Variants in NEK6 observed in about 807,000 individuals in gnomAD.
NEK6 encodes the protein serine/threonine-protein kinase Nek6.
In NEK6, 27 loss-of-function variants were observed where a neutral mutation model predicts 43.5. The ratio of observed to expected loss-of-function variants is 0.62; its 90% CI spans 0.46 to 0.86. The LOEUF is 0.86. Among genes scored for constraint, NEK6 ranks in the 40% least tolerant of loss-of-function variants. The pLI, the probability that NEK6 is intolerant of heterozygous loss-of-function variation, is 0.00. For synonymous variants in NEK6, 167 were observed against 164.1 expected (o/e 1.02, Z -0.14); for missense variants, 318 against 414.4 (o/e 0.77, Z 2.02).
rs952897031 is a variant in NEK6, at chr9:124,326,998, T to G, written c.515-340T>G. 6.6e-6 allele frequency among the ~76,000 whole-genome samples: 1 copy of G among 152,142 alleles called. No individual in the cohort carries two copies. Among genetic ancestry groups the G allele is most frequent in the Non-Finnish European group, 1.5e-5 (1 of 68,002 alleles). On this transcript the variant is annotated intron_variant, in intron 6 of 9. Coordinates refer to ENST00000320246, the MANE Select transcript of NEK6 (RefSeq NM_014397.6). This position sits in a 1 kb window ranked among gnomAD's most constrained non-coding sequence, Gnocchi z 4.5. ...CTCCACTGAGCACTCCGTTCATTCA[T>G]TACGCAGATTTTCCCTGAGGGCCTC... is the stretch of plus-strand genomic sequence containing the variant.
At chr9:124,258,858 G>A (rs550634403) in intron 1 of NEK6, among the ~76,000 whole-genome samples, 1 of 152,242 alleles carries the variant, frequency 6.6e-6, no homozygotes, top group Non-Finnish European at 1.5e-5. Flanking sequence ...CTGGGCGAGC[G>A]GAGGCTGTGG....
Position 124,326,348 on chromosome 9 carries a change from C to T in NEK6, c.424C>T (p.Arg142Trp), listed in dbSNP as rs767329239. The T allele has an allele frequency of 2.5e-6, 4 of 1,611,174 alleles. No individual in the cohort carries two copies. Among genetic ancestry groups the T allele is most frequent in the East Asian group, 2.2e-5 (1 of 44,872 alleles). Residue 142 changes from arginine to tryptophan, a missense_variant, in exon 6 of 10, where the codon CGG becomes TGG. Physicochemically the swap from Arg to Trp is moderately radical, Grantham distance 101. This residue lies in a region of NEK6 where 239 missense variants were observed against 344.4 expected (regional missense o/e 0.69). Coordinates refer to ENST00000320246, the MANE Select transcript of NEK6 (RefSeq NM_014397.6). The surrounding 1 kb of genome is among the most constrained non-coding windows in gnomAD (Gnocchi z 4.5). ...QMIKYFKKQK[R>W]LIPERTVWKY... ...ACTGCAGTACTTTAAGAAGCAGAAG[C>T]GGCTCATCCCGGAGAGGACAGTATG... is the stretch of plus-strand genomic sequence containing the variant.
intron 9 of NEK6, among the ~76,000 whole-genome samples, chr9:124,349,457 C>G (rs1830132604): frequency 6.6e-6 from 1 of 152,180 alleles, no homozygotes; most frequent in South Asian, 2.1e-4. Flanking sequence ...CCCAAGTCAG[C>G]CCTTTCCTGG....
chr9:124,268,688 G>A (rs955358747), intron 1 of NEK6, among the ~76,000 whole-genome samples: 6 of 152,286 alleles, frequency 3.9e-5, no homozygotes, highest in Admixed American at 6.5e-5. Flanking sequence ...CCCAGGAACC[G>A]ACGTGAGAAC....
intron 2 of NEK6, among the ~76,000 whole-genome samples, chr9:124,309,563 A>T (rs1294065623): frequency 6.6e-6 from 1 of 152,170 alleles, no homozygotes; most frequent in Non-Finnish European, 1.5e-5. Flanking sequence ...TCTAGATCTG[A>T]CAGGGAGTTC....
intron 8 of NEK6, among the ~76,000 whole-genome samples, chr9:124,344,999 C>T (rs2131080176): frequency 6.6e-6 from 1 of 152,292 alleles, no homozygotes; most frequent in South Asian, 2.1e-4. Context: ...TGTCTGAGGC[C>T]CTGACAGGCA....
At chr9:124,315,197 G>A (rs1014378854) in intron 4 of NEK6, among the ~76,000 whole-genome samples, 19 of 152,222 alleles carry the variant, frequency 1.2e-4, no homozygotes, top group Non-Finnish European at 1.8e-4. Context: ...TGGGCCAGGA[G>A]CCCCAGGGAA....
chr9:124,292,153 G>A lies in NEK6; in HGVS notation c.-29-9783G>A. The A allele has an allele frequency of 3.2e-5, 39 of 1,232,752 alleles. 1 individual carries two copies. In the South Asian group the frequency reaches 7.1e-4, roughly 22 times the overall value. The allele number at this position is 1,232,752 out of a possible 1,614,324, so 76.4% of individuals were successfully genotyped here. On this transcript the variant is annotated intron_variant, in intron 1 of 9. Transcript: ENST00000320246. Reference sequence around the variant, plus strand: ...TGCTCTTAGGGGTGTGTCCAGCGAGGGATGGGGAACCAGGCCCCAGGGACC... The same window carrying A: ...TGCTCTTAGGGGTGTGTCCAGCGAGAGATGGGGAACCAGGCCCCAGGGACC...
At chr9:124,260,143 A>G (rs1002520977) in intron 1 of NEK6, among the ~76,000 whole-genome samples, 1 of 152,162 alleles carries the variant, frequency 6.6e-6, no homozygotes, top group Non-Finnish European at 1.5e-5. Flanking sequence ...AGGTGGGGGC[A>G]GAATCCGAAG....
intron 7 of NEK6, among the ~76,000 whole-genome samples, chr9:124,330,012 A>C (rs1828888321): frequency 6.6e-6 from 1 of 152,150 alleles, no homozygotes; most frequent in Non-Finnish European, 1.5e-5. Context: ...TCATCTCCTA[A>C]GGCTGCTGAC....
intron 1 of NEK6, among the ~76,000 whole-genome samples, chr9:124,295,960 A>G (rs1832668616): frequency 6.6e-6 from 1 of 152,216 alleles, no homozygotes; most frequent in Non-Finnish European, 1.5e-5. Context: ...GGTACTTTGC[A>G]GGTGTCTTGG....
chr9:124,353,037 C>G lies in NEK6; in HGVS notation c.*2090C>G, dbSNP rs1830339414. The G allele has an allele frequency of 6.5e-6, 1 of 153,134 alleles. No individual in the cohort carries two copies. The highest frequency in any genetic ancestry group is 2.4e-5 in the African/African-American group (1 of 41,460). The allele number at this position is 153,134 out of a possible 1,614,324, so 9.5% of individuals were successfully genotyped here. On this transcript the variant is annotated 3_prime_UTR_variant, in exon 10 of 10. Transcript: ENST00000320246. ...TTCCTTTTATTTCTGTGAAACCGGCCAAAGTGAGGTCCACCCACCTTCACA... is the reference window on the plus strand; with the variant it reads ...TTCCTTTTATTTCTGTGAAACCGGCGAAAGTGAGGTCCACCCACCTTCACA...
intron 1 of NEK6, among the ~76,000 whole-genome samples, chr9:124,283,372 G>T (rs868033055): frequency 6.6e-6 from 1 of 152,210 alleles, no homozygotes; most frequent in African/African-American, 2.4e-5. Flanking sequence ...CCTTCCCCAC[G>T]TCCTAGGACA....
chr9:124,289,708 A>C (rs949974060), intron 1 of NEK6, among the ~76,000 whole-genome samples: 2 of 152,320 alleles, frequency 1.3e-5, no homozygotes, highest in South Asian at 4.1e-4. Context: ...TAAATACAGG[A>C]TCCCCAGTTT....
intron 4 of NEK6, among the ~76,000 whole-genome samples, chr9:124,316,724 G>C (rs1833832996): frequency 6.6e-6 from 1 of 152,230 alleles, no homozygotes; most frequent in South Asian, 2.1e-4. Context: ...ATGGACGTCT[G>C]GAGCCCCTTT....
chr9:124,307,743 A>G (rs1242441496), intron 2 of NEK6, among the ~76,000 whole-genome samples: 1 of 152,314 alleles, frequency 6.6e-6, no homozygotes, highest in East Asian at 1.9e-4. Context: ...CTTGCCTAGC[A>G]TGGTCCCTTG....
At chr9:124,280,177 T>G (rs936433802) in intron 1 of NEK6, among the ~76,000 whole-genome samples, 3 of 152,238 alleles carry the variant, frequency 2.0e-5, no homozygotes, top group Admixed American at 6.5e-5. Context: ...CAAAGAAACT[T>G]CCAGTCCACA....
rs752094154 is a variant in NEK6, at chr9:124,326,465, C to T, written c.514+27C>T. 6.2e-6 allele frequency: 9 copies of T among 1,440,772 alleles called. No homozygotes were observed. Among genetic ancestry groups the T allele is most frequent in the South Asian group, 3.8e-5 (3 of 79,650 alleles). 89.2% of individuals were successfully genotyped at this position (1,440,772 alleles called of 1,614,324 possible). A position where few individuals can be genotyped will look rare whatever the true frequency, so the allele number is the denominator to read the frequency against. On this transcript the variant is annotated intron_variant, in intron 6 of 9. Transcript: ENST00000320246. This position sits in a 1 kb window ranked among gnomAD's most constrained non-coding sequence, Gnocchi z 4.5. ...TACGTGCCACCCGCCAGGAGCCGCC[C>T]GGAGCCACCTGGAGCCCAGGAAGAC...
At chr9:124,288,943 C>CA (rs1407870332) in intron 1 of NEK6, among the ~76,000 whole-genome samples, 1 of 152,138 alleles carries the variant, frequency 6.6e-6, no homozygotes, top group Non-Finnish European at 1.5e-5. Flanking sequence ...TGTGATTCAG[C>CA]AACGCAGTTA....
Sources: gnomAD v4.1 joint callset for allele counts (sites outside exome capture counted in the v4.1 genomes callset) on GRCh38, gnomAD v4.1.1 for gene constraint, gnomAD v4.1.1 regional missense constraint, Gnocchi (gnomAD v3.1) non-coding constraint, MANE v1.5 for transcripts, NCBI Gene and HGNC (gene_info 2026-07-23, HGNC 2026-07-21) for gene names.